The following SCMH1 variants were observed in gnomAD, a reference collection of about 807,000 sequenced individuals.
SCMH1 encodes the protein Scm polycomb group protein homolog 1.
A neutral mutation model predicts 70.8 loss-of-function variants in SCMH1; 37 were observed. The observed-to-expected ratio is 0.52, with a 90% CI of 0.40 to 0.69. SCMH1 has a LOEUF of 0.69. Among genes scored for constraint, SCMH1 ranks in the 30% least tolerant of loss-of-function variants. The probability of loss-of-function intolerance (pLI) is 0.00; values close to 1 mark genes in which losing one functional copy is unlikely to be tolerated. For synonymous variants in SCMH1, 292 were observed against 307.4 expected, an observed-to-expected ratio of 0.95 and a Z score of 0.52; for missense variants, 607 against 827.3, an observed-to-expected ratio of 0.73 and a Z score of 3.27.
intron 5 of SCMH1, among the ~76,000 whole-genome samples, chr1:41,149,428 T>C (rs1465542936): frequency 6.6e-6 from 1 of 152,228 alleles, no homozygotes; most frequent in East Asian, 1.9e-4. Context: ...TTTTAATGTG[T>C]TTGTCTGCTA....
In SCMH1 at chr1:41,160,916, G is replaced by A. The variant is rs1319537398; in HGVS notation, c.83-18C>T. 1 of 1,549,528 alleles carries A rather than the reference G, an allele frequency of 6.5e-7. No individual in the cohort carries two copies. The highest frequency in any genetic ancestry group is 8.7e-7 in the Non-Finnish European group (1 of 1,146,094). On this transcript the variant is annotated intron_variant, in intron 3 of 14. Transcript: ENST00000337495. The stretch of plus-strand genomic sequence containing the variant: ...AGCAGCTTCTAGTAAAGAAAAAAAT[G>A]TTGGAGCATAAGTCATTAAGACAAA...
At chr1:41,122,528 A>G (rs1170377314) in intron 6 of SCMH1, among the ~76,000 whole-genome samples, 2 of 152,212 alleles carry the variant, frequency 1.3e-5, no homozygotes, top group African/African-American at 4.8e-5. Context: ...GTTTTATTGA[A>G]TTAAGGAAAA....
At chr1:41,028,548 C>A (rs1467418127) in intron 14 of SCMH1, 36 bp downstream of exon 15, 1 of 1,612,802 alleles carries the variant, frequency 6.2e-7, no homozygotes, top group East Asian at 2.2e-5. Flanking sequence ...GCTCTCCACA[C>A]AGGTTCCTAC....
chr1:41,127,514 T>C (rs142029117), intron 6 of SCMH1, among the ~76,000 whole-genome samples: 2 of 152,352 alleles, frequency 1.3e-5, no homozygotes, highest in Non-Finnish European at 2.9e-5. Context: ...TACGCTGTGA[T>C]ATATGGATTC....
chr1:41,191,709 A>G (rs1478414530), intron 1 of SCMH1, among the ~76,000 whole-genome samples: 1 of 152,194 alleles, frequency 6.6e-6, no homozygotes, highest in Non-Finnish European at 1.5e-5. Flanking sequence ...TTCATAGTGC[A>G]TATGTATTAC....
chr1:41,123,433 A>G (rs1483698020), intron 6 of SCMH1, among the ~76,000 whole-genome samples: 1 of 152,192 alleles, frequency 6.6e-6, no homozygotes, highest in East Asian at 1.9e-4. Flanking sequence ...TCACTTGACT[A>G]GGGGCCTCAT....
intron 1 of SCMH1, among the ~76,000 whole-genome samples, chr1:41,213,057 TAC>T (rs1657377057): frequency 6.6e-6 from 1 of 152,140 alleles, no homozygotes; most frequent in African/African-American, 2.4e-5. Context: ...ACACGAATAG[TAC>T]AGATAGATCC....
At chr1:41,193,827 T>C (rs910886234) in intron 1 of SCMH1, among the ~76,000 whole-genome samples, 1 of 152,196 alleles carries the variant, frequency 6.6e-6, no homozygotes, top group African/African-American at 2.4e-5. Context: ...AGGACTCTGG[T>C]ATCATCCCAA....
Position 41,075,368 on chromosome 1 carries a change from C to T in SCMH1, c.829G>A (p.Glu277Lys), listed in dbSNP as rs527924712. The T allele has an allele frequency of 9.8e-5, 158 of 1,614,112 alleles. 1 individual carries two copies. The South Asian group carries it at 1.6e-3, about 16-fold the overall frequency. ...CGCCCCCTCTGCCCTGGTTGATGTT[C>T]CAAGACAGTTTTGGTGCTGCTGTGG... The change falls in exon 9 of 15, where the codon GAA (glutamate) becomes AAA (lysine). Residue 277 changes from glutamate (E) to lysine (K), a missense_variant. By Grantham distance (56) the Glu-to-Lys change is moderately conservative. Around this residue, in one of 3 missense-constraint regions of SCMH1, gnomAD observed 430 missense variants for 528.2 expected, o/e 0.81. Transcript: ENST00000337495.
intron 6 of SCMH1, among the ~76,000 whole-genome samples, chr1:41,138,614 T>C (rs1312599327): frequency 3.3e-5 from 5 of 152,220 alleles, no homozygotes; most frequent in Admixed American, 6.5e-5. Context: ...TCCACTGAGA[T>C]AATTTTGTCT....
chr1:41,087,937 G>GGTGTGTGTGTTTGTGTGTGTGT (rs1662210368), intron 8 of SCMH1, among the ~76,000 whole-genome samples: 2 of 139,844 alleles, frequency 1.4e-5, no homozygotes, highest in Non-Finnish European at 3.0e-5. Context: ...TATAGTTTCT[G>GGTGTGTGTGTTTGTGTGTGTGT]GTGTGTGTGT....
At chr1:41,120,185 C>T (rs1323043279) in intron 6 of SCMH1, among the ~76,000 whole-genome samples, 1 of 152,148 alleles carries the variant, frequency 6.6e-6, no homozygotes, top group African/African-American at 2.4e-5. Flanking sequence ...ATGTAATTCC[C>T]AATTCCATTT....
chr1:41,164,272 CA>C (rs1423396061), intron 2 of SCMH1, among the ~76,000 whole-genome samples: 1 of 152,142 alleles, frequency 6.6e-6, no homozygotes, highest in Non-Finnish European at 1.5e-5. Context: ...TAATTGGTCT[CA>C]TTTTAAACTC....
chr1:41,236,521 A>G (rs970669052), intron 1 of SCMH1, among the ~76,000 whole-genome samples: 5 of 152,208 alleles, frequency 3.3e-5, no homozygotes, highest in Non-Finnish European at 5.9e-5. Context: ...TCAAAATAAG[A>G]ATAACAGTAT....
Position 41,028,487 on chromosome 1 carries a change from C to T in SCMH1, c.1821+97G>A, listed in dbSNP as rs1452451295. On this transcript the variant is annotated intron_variant, in intron 14 of 14. Coordinates refer to ENST00000337495, the Ensembl canonical transcript of SCMH1. ...CCTACCTGTTCTCCTCAGCCTTTGT[C>T]TCTAAGCATCCCTCCTCCCCAAACA... 2.6e-6 allele frequency: 4 copies of T among 1,545,514 alleles called. No individual in the cohort carries two copies. In the East Asian group the frequency reaches 9.0e-5, roughly 35 times the overall value.
chr1:41,097,656 C>A (rs926287739), intron 8 of SCMH1, among the ~76,000 whole-genome samples: 1 of 152,128 alleles, frequency 6.6e-6, no homozygotes, highest in Non-Finnish European at 1.5e-5. Context: ...TTCTTCCACT[C>A]AAATACCACT....
intron 5 of SCMH1, among the ~76,000 whole-genome samples, chr1:41,149,509 G>T (rs189526454): frequency 1.1e-4 from 16 of 152,202 alleles, no homozygotes; most frequent in Admixed American, 2.0e-4. Flanking sequence ...GCATTTTCCT[G>T]CCTCTTTGCA....
intron 5 of SCMH1, 41 bp from the exon 6 acceptor site, chr1:41,143,153 A>G (rs966127389): frequency 2.0e-6 from 3 of 1,503,670 alleles, no homozygotes; most frequent in Non-Finnish European, 2.8e-6. Flanking sequence ...GATTAAGAGT[A>G]AAACCCCAAA....
chr1:41,186,848 G>T (rs138810763), intron 1 of SCMH1, among the ~76,000 whole-genome samples: 3 of 152,224 alleles, frequency 2.0e-5, no homozygotes, highest in African/African-American at 7.2e-5. Context: ...AGCCTCTGCC[G>T]CTAGCATCCT....
Sources: gnomAD v4.1 joint callset for allele counts (sites outside exome capture counted in the v4.1 genomes callset) on GRCh38, gnomAD v4.1.1 for gene constraint, gnomAD v4.1.1 regional missense constraint, MANE v1.5 for transcripts, NCBI Gene and HGNC (gene_info 2026-07-23, HGNC 2026-07-21) for gene names.